Variants in GRAMD1B observed in about 807,000 individuals in gnomAD.
GRAMD1B encodes the protein protein Aster-B.
A neutral mutation model predicts 99.7 loss-of-function variants in GRAMD1B; 37 were observed. That is an observed-to-expected ratio of 0.37 (90% CI 0.29 to 0.49). The LOEUF is 0.49. GRAMD1B is among the 20% of genes least tolerant of loss of function. GRAMD1B has a pLI of 0.98. For missense variants in GRAMD1B, 888 were observed against 1,009.2 expected, an observed-to-expected ratio of 0.88 and a Z score of 1.63; for synonymous variants, 427 against 387.6, an observed-to-expected ratio of 1.10 and a Z score of -1.19.
rs1948858975 is a variant in GRAMD1B, at chr11:123,431,061, C to T, written c.269C>T (p.Thr90Ile). Residue 90 changes from threonine to isoleucine, a missense_variant, in exon 1 of 20, where the codon ACC becomes ATC. Around this residue, in one of 5 missense-constraint regions of GRAMD1B, gnomAD observed 233 missense variants for 154.6 expected, o/e 1.51. Coordinates refer to ENST00000635736, the MANE Select transcript of GRAMD1B (RefSeq NM_001387025.1). The stretch of plus-strand genomic sequence containing the variant: ...ATCACGCCCTCCAGCGACGAGGACA[C>T]CCCGTGGTCCAACTGCTCCACACCC... ...IEITPSSDED[T>I]PWSNCSTPSA... 1 of 702,932 alleles carries T rather than the reference C, an allele frequency of 1.4e-6. No homozygotes were observed. The highest frequency in any genetic ancestry group is 2.6e-6 in the Non-Finnish European group (1 of 385,010). 43.5% of individuals were successfully genotyped at this position (702,932 alleles called of 1,614,324 possible).
At chr11:123,566,963 C>T (rs1337574548) in intron 2 of GRAMD1B, among the ~76,000 whole-genome samples, 5 of 152,144 alleles carry the variant, frequency 3.3e-5, no homozygotes, top group Non-Finnish European at 7.3e-5. Context: ...ACAATTTCCG[C>T]TCCTATAAGG....
rs112407844 is a variant in GRAMD1B at position 123,534,737 on chromosome 11, C to T, written c.453-42630C>T. ...AAAATTAGCTGGGCATGGTGGCAGG[C>T]GCCTGTAATCCCAGCTACTCTGGAG... On this transcript the variant is annotated intron_variant, in intron 2 of 19. Transcript: ENST00000635736. Among the ~76,000 whole-genome samples the T allele has an allele frequency of 7.5e-3, 1,140 of 152,076 alleles. 19 individuals carry two copies. The highest frequency in any genetic ancestry group is 0.026 in the African/African-American group (1,082 of 41,480).
rs1397025441 is a variant in GRAMD1B, at chr11:123,603,429, C to G, written c.1054C>G (p.Leu352Val). ...LWQNALLEKP[L>V]CPKELWHFVH... Reference sequence around the variant, plus strand: ...TCGTTCCTTTTCTCCCCTGAAGCCTCTGTGTCCCAAGGAGCTCTGGCACTT... The same window carrying G: ...TCGTTCCTTTTCTCCCCTGAAGCCTGTGTGTCCCAAGGAGCTCTGGCACTT... The change falls in exon 9 of 20, where the codon CTG (leucine) becomes GTG (valine). Residue 352 changes from leucine (L) to valine (V), a missense_variant. Transcript: ENST00000635736. 6.3e-7 allele frequency: 1 copy of G among 1,599,220 alleles called. No homozygotes were observed. The highest frequency in any genetic ancestry group is 1.7e-5 in the Admixed American group (1 of 59,992).
At position 123,369,404 on chromosome 11, in the gene GRAMD1B, A is replaced by T. The variant is rs562547349; in HGVS notation, c.-176+10605A>T. ...TAGAAAGAAGAGACAGCTAAGAGAA[A>T]CTTGAGAACTCAGAAGGTAACAGAA... On this transcript the variant is annotated intron_variant, in intron 1 of 20. Transcript: ENST00000638157. Among the ~76,000 whole-genome samples, 3 of 152,330 alleles carry T rather than the reference A, an allele frequency of 2.0e-5. No homozygotes were observed. The East Asian group carries it at 5.8e-4, about 29-fold the overall frequency.
At chr11:123,502,400 C>T (rs1939954309) in intron 2 of GRAMD1B, among the ~76,000 whole-genome samples, 1 of 152,212 alleles carries the variant, frequency 6.6e-6, no homozygotes, top group South Asian at 2.1e-4. Flanking sequence ...GCCCCCTCTC[C>T]CTTCCCTGCT....
At chr11:123,406,080 T>C (rs540321340) in intron 1 of GRAMD1B, among the ~76,000 whole-genome samples, 8 of 151,630 alleles carry the variant, frequency 5.3e-5, no homozygotes, top group African/African-American at 9.7e-5. Context: ...AGTGATGCGA[T>C]CTCAGCTCTC....
intron 2 of GRAMD1B, among the ~76,000 whole-genome samples, chr11:123,555,586 T>A (rs900776165): frequency 3.9e-5 from 6 of 152,102 alleles, no homozygotes; most frequent in African/African-American, 1.4e-4. Flanking sequence ...TGATCTCAGG[T>A]GATGCACCTG....
intron 2 of GRAMD1B, among the ~76,000 whole-genome samples, chr11:123,553,388 T>A (rs946269294): frequency 6.6e-6 from 1 of 152,018 alleles, no homozygotes; most frequent in South Asian, 2.1e-4. Flanking sequence ...GTGTGTTTAT[T>A]CTGCTGGGCT....
intron 1 of GRAMD1B, among the ~76,000 whole-genome samples, chr11:123,450,414 T>C (rs1214679315): frequency 6.6e-6 from 1 of 152,102 alleles, no homozygotes; most frequent in Non-Finnish European, 1.5e-5. Context: ...GAACATACAC[T>C]ACATGCCAGA....
At chr11:123,388,129 C>CAAA (rs34085785) in intron 1 of GRAMD1B, among the ~76,000 whole-genome samples, 1,039 of 71,242 alleles carry the variant, frequency 0.015, 28 homozygotes, top group East Asian at 0.11. Context: ...TCCTCCTCCT[C>CAAA]AAAAAAAAAA....
chr11:123,566,625 G>A (rs183406491), intron 2 of GRAMD1B, among the ~76,000 whole-genome samples: 5 of 152,302 alleles, frequency 3.3e-5, no homozygotes, highest in African/African-American at 1.2e-4. Flanking sequence ...AATTAGCCAC[G>A]CGTGGTGGCG....
chr11:123,504,405 A>G (rs1018508664), intron 2 of GRAMD1B, among the ~76,000 whole-genome samples: 1 of 151,978 alleles, frequency 6.6e-6, no homozygotes, highest in Admixed American at 6.6e-5. Flanking sequence ...AGGCTTAGCT[A>G]TTTCCTTTTC....
intron 2 of GRAMD1B, among the ~76,000 whole-genome samples, chr11:123,497,630 CT>C (rs1374583315): frequency 6.6e-6 from 1 of 152,120 alleles, no homozygotes; most frequent in Non-Finnish European, 1.5e-5. Flanking sequence ...CAGCCAGGTG[CT>C]GTGGCTCACG....
intron 2 of GRAMD1B, among the ~76,000 whole-genome samples, chr11:123,505,757 A>T (rs1295306845): frequency 1.3e-5 from 2 of 152,140 alleles, no homozygotes; most frequent in Non-Finnish European, 2.9e-5. Flanking sequence ...AACAAGCAAA[A>T]GAAAAGGCAC....
At chr11:123,595,364 C>T (rs144964837) in intron 6 of GRAMD1B, among the ~76,000 whole-genome samples, 1 of 152,004 alleles carries the variant, frequency 6.6e-6, no homozygotes, top group Admixed American at 6.5e-5. Flanking sequence ...TCCCTGCAAC[C>T]TCCGCCCCTG....
At chr11:123,445,306 C>G (rs1410742782) in intron 1 of GRAMD1B, among the ~76,000 whole-genome samples, 3 of 152,154 alleles carry the variant, frequency 2.0e-5, no homozygotes, top group Admixed American at 6.5e-5. Context: ...ATCTAGAGAG[C>G]ATTCGTGTTC....
intron 2 of GRAMD1B, among the ~76,000 whole-genome samples, chr11:123,547,747 G>A (rs1223187282): frequency 6.6e-6 from 1 of 152,118 alleles, no homozygotes; most frequent in Non-Finnish European, 1.5e-5. Context: ...ATTTATCTTT[G>A]AACAATAGGC....
chr11:123,528,929 A>T (rs549204485), intron 2 of GRAMD1B, among the ~76,000 whole-genome samples: 18 of 152,276 alleles, frequency 1.2e-4, no homozygotes, highest in African/African-American at 4.3e-4. Flanking sequence ...CTGATTTCAG[A>T]GTGGGGACTA....
intron 10 of GRAMD1B, among the ~76,000 whole-genome samples, chr11:123,605,784 AG>A (rs1952631990): frequency 6.6e-6 from 1 of 152,214 alleles, no homozygotes; most frequent in East Asian, 1.9e-4. Context: ...GAACAATTCC[AG>A]GTATTTTTTC....
Sources: allele counts gnomAD v4.1 joint callset (sites outside exome capture counted in the v4.1 genomes callset), GRCh38; gene constraint gnomAD v4.1.1; regional missense constraint gnomAD v4.1.1; transcripts MANE v1.5; gene names NCBI Gene and HGNC (gene_info 2026-07-23, HGNC 2026-07-21).